Variants in KLRG2 observed in about 807,000 individuals in gnomAD.
KLRG2 encodes killer cell lectin-like receptor subfamily G member 2.
Under a neutral mutation model 35.4 loss-of-function variants are expected in KLRG2, and 39 were observed. The observed-to-expected ratio is 1.10, with a 90% CI of 0.85 to 1.44. The LOEUF (loss-of-function observed/expected upper bound fraction) is 1.44, where lower values mean the gene tolerates loss of function less well. Among genes scored for constraint, KLRG2 ranks in the 40% most tolerant of loss-of-function variants. The pLI, the probability that KLRG2 is intolerant of heterozygous loss-of-function variation, is 0.00. For synonymous variants in KLRG2, 283 were observed against 265.8 expected, an observed-to-expected ratio of 1.06 and a Z score of -0.63; for missense variants, 632 against 570.9, an observed-to-expected ratio of 1.11 and a Z score of -1.09.
At chr7:139,467,814 C>T (rs540642143) in intron 3 of KLRG2, among the ~76,000 whole-genome samples, 99 of 148,042 alleles carry the variant, frequency 6.7e-4, no homozygotes, top group Middle Eastern at 3.4e-3. Flanking sequence ...TCCCCCAGCC[C>T]GACACCCAGT....
intron 3 of KLRG2, among the ~76,000 whole-genome samples, chr7:139,478,791 C>T (rs1181608677): frequency 6.6e-6 from 1 of 152,224 alleles, no homozygotes; most frequent in Non-Finnish European, 1.5e-5. Context: ...CCACTCCTCT[C>T]CCTCTCCCAT....
chr7:139,480,571 G>A (rs1274339337), intron 1 of KLRG2, among the ~76,000 whole-genome samples: 1 of 143,816 alleles, frequency 7.0e-6, no homozygotes. Flanking sequence ...TCAACCTCCT[G>A]AGTAGCTGGG....
intron 3 of KLRG2, among the ~76,000 whole-genome samples, chr7:139,466,550 AC>A (rs1796655976): frequency 6.6e-6 from 1 of 151,968 alleles, no homozygotes; most frequent in African/African-American, 2.4e-5. Flanking sequence ...CCTATTCTTT[AC>A]TTTTATACTC....
Position 139,481,784 on chromosome 7 carries a change from C to T in KLRG2, c.757+1102G>A, listed in dbSNP as rs1192932967. On this transcript the variant is annotated intron_variant, in intron 1 of 4. Transcript: ENST00000340940. Reference sequence around the variant, plus strand: ...ACCAAAAATACAAAAACTAGCCAGGCATGGTGGCCGGCGCCTGTAATCCCA... The same window carrying T: ...ACCAAAAATACAAAAACTAGCCAGGTATGGTGGCCGGCGCCTGTAATCCCA... Among the ~76,000 whole-genome samples, 3 of 152,098 alleles carry T rather than the reference C, an allele frequency of 2.0e-5. No homozygotes were observed. In the East Asian group the frequency reaches 5.8e-4, roughly 29 times the overall value.
At position 139,479,676 on chromosome 7, in the gene KLRG2, G is replaced by A; in HGVS notation, c.956C>T (p.Ala319Val). Residue 319 changes from alanine to valine, a missense_variant, in exon 3 of 5, where the codon GCT becomes GTT. Transcript: ENST00000340940. ...GGTAGCGTGGTAGGCTGAGCAGAAA[G>A]CCTGGCTGGCTTCCCAGGCCTGCGC... Reference protein sequence around the residue: ...AEAQAWEASQAFCSAYHATLP... With the variant: ...AEAQAWEASQVFCSAYHATLP... The A allele has an allele frequency of 1.2e-6, 2 of 1,613,908 alleles. No individual in the cohort carries two copies. Among genetic ancestry groups the A allele is most frequent in the Non-Finnish European group, 1.7e-6 (2 of 1,180,026 alleles).
chr7:139,478,010 G>A (rs949451622), intron 3 of KLRG2, among the ~76,000 whole-genome samples: 12 of 151,382 alleles, frequency 7.9e-5, no homozygotes, highest in Admixed American at 2.6e-4. Flanking sequence ...CACCCGCCTC[G>A]GCCTCCCAAA....
At chr7:139,447,303 T>A in the KLRG2 span, among the ~76,000 whole-genome samples, 1 of 152,088 alleles carries the variant, frequency 6.6e-6, no homozygotes, top group Admixed American at 6.6e-5. Flanking sequence ...GGTTAGAGCC[T>A]CCTACCGACC....
intron 3 of KLRG2, among the ~76,000 whole-genome samples, chr7:139,475,427 A>G (rs995606109): frequency 6.6e-6 from 1 of 151,638 alleles, no homozygotes; most frequent in African/African-American, 2.4e-5. Context: ...GCTACTTGGG[A>G]GGCTGAGGCA....
At chr7:139,449,693 CTTTTTTTTTTT>C (rs547906496), downstream of KLRG2, among the ~76,000 whole-genome samples, 1 of 101,558 alleles carries the variant, frequency 9.8e-6, no homozygotes, top group Non-Finnish European at 1.9e-5. Flanking sequence ...TATCCTTATT[CTTTTTTTTTTT>C]TTTTTTTTTT....
chr7:139,441,747 C>T, the KLRG2 span, among the ~76,000 whole-genome samples: 7 of 152,140 alleles, frequency 4.6e-5, no homozygotes, highest in East Asian at 1.2e-3. Context: ...CACTGCAGCC[C>T]AGGCAACAGA....
In KLRG2 at chr7:139,453,554, G is replaced by A; in HGVS notation, c.*33C>T. On this transcript the variant is annotated 3_prime_UTR_variant, in exon 5 of 5. Coordinates refer to ENST00000340940, the MANE Select transcript of KLRG2 (RefSeq NM_198508.4). ...CTCCCCTGTAGGGGGTGCTGCATCT[G>A]CCTGGCAGGCTGAGGACCAGGCAGA... 6.4e-7 allele frequency: 1 copy of A among 1,567,870 alleles called. No individual in the cohort carries two copies. Among genetic ancestry groups the A allele is most frequent in the Non-Finnish European group, 8.6e-7 (1 of 1,156,824 alleles).
rs773937027 is a variant in KLRG2 at position 139,479,741 on chromosome 7, C to A, written c.891G>T (p.Trp297Cys). 1.2e-6 allele frequency: 2 copies of A among 1,613,898 alleles called. No individual in the cohort carries two copies. The highest frequency in any genetic ancestry group is 2.7e-5 in the African/African-American group (2 of 74,908). ...GARCQQCPPG[W>C]VLSEEHCYYF... ...AGTAACAGTGCTCCTCGGACAACAC[C>A]CAGCCTGGGGGGCACTGCTGGCATC... Residue 297 changes from tryptophan to cysteine, a missense_variant, in exon 3 of 5, where the codon TGG becomes TGT. By Grantham distance (215) the Trp-to-Cys change is radical. Coordinates refer to ENST00000340940, the MANE Select transcript of KLRG2 (RefSeq NM_198508.4).
the KLRG2 span, among the ~76,000 whole-genome samples, chr7:139,445,139 G>A: frequency 4.6e-5 from 7 of 151,300 alleles, no homozygotes; most frequent in African/African-American, 1.7e-4. Flanking sequence ...AGAGTGCAGT[G>A]GTGCAATCTC....
chr7:139,456,626 A>G (rs923625023), intron 3 of KLRG2, among the ~76,000 whole-genome samples: 1 of 152,174 alleles, frequency 6.6e-6, no homozygotes, highest in Non-Finnish European at 1.5e-5. Context: ...TGCTAGGATT[A>G]CAGGTATAAG....
the KLRG2 span, among the ~76,000 whole-genome samples, chr7:139,440,798 G>A: frequency 6.6e-6 from 1 of 152,096 alleles, no homozygotes; most frequent in East Asian, 1.9e-4. Context: ...ACATTAATAA[G>A]TATTGGGAAT....
chr7:139,461,790 C>A (rs117472075), intron 3 of KLRG2, among the ~76,000 whole-genome samples: 14,126 of 152,104 alleles, frequency 0.093, 1,071 homozygotes, highest in East Asian at 0.39. Context: ...CCCGCCTGCA[C>A]CCAGGTTAAA....
the KLRG2 span, among the ~76,000 whole-genome samples, chr7:139,437,511 C>T: frequency 6.6e-6 from 1 of 151,630 alleles, no homozygotes; most frequent in African/African-American, 2.4e-5. Context: ...GGCTGGAATG[C>T]AGTGGCATGA....
the KLRG2 span, among the ~76,000 whole-genome samples, chr7:139,446,592 C>T: frequency 4.6e-5 from 7 of 152,154 alleles, no homozygotes; most frequent in East Asian, 1.9e-4. Context: ...CCGCCCTCCT[C>T]GGCCTCCCAA....
At position 139,482,887 on chromosome 7, in the gene KLRG2, C is replaced by T. The variant is rs1017510924; in HGVS notation, c.756G>A (p.Thr252=). 31 of 1,469,836 alleles carry T rather than the reference C, an allele frequency of 2.1e-5. No individual in the cohort carries two copies. The highest frequency in any genetic ancestry group is 2.8e-5 in the Non-Finnish European group (31 of 1,122,370). 91.0% of individuals were successfully genotyped at this position (1,469,836 alleles called of 1,614,324 possible). The change falls in exon 1 of 5, where the codon ACG becomes ACA. Residue 252 remains threonine (T), a splice_region_variant and synonymous_variant. Transcript: ENST00000340940. ...DEKLPRAVTL[T]GLPMYVKSLY... is the part of the protein sequence containing the mutation. Reference sequence around the variant, plus strand: ...CTGCCGGCGCAGGTGAGCACTCACCCGTAAGCGTTACGGCCCGGGGCAGCT... The same window carrying T: ...CTGCCGGCGCAGGTGAGCACTCACCTGTAAGCGTTACGGCCCGGGGCAGCT...
Sources: gnomAD v4.1 joint callset for allele counts (sites outside exome capture counted in the v4.1 genomes callset) on GRCh38, gnomAD v4.1.1 for gene constraint, MANE v1.5 for transcripts, NCBI Gene and HGNC (gene_info 2026-07-23, HGNC 2026-07-21) for gene names.